SORL1: variants seen among roughly 807,000 people sequenced by gnomAD.
SORL1 encodes sortilin-related receptor.
A neutral mutation model predicts 273.7 loss-of-function variants in SORL1; 127 were observed. That is an observed-to-expected ratio of 0.46 (90% CI 0.40 to 0.54). The LOEUF (loss-of-function observed/expected upper bound fraction) is 0.54, where lower values mean the gene tolerates loss of function less well. Among genes scored for constraint, SORL1 ranks in the 20% least tolerant of loss-of-function variants. The probability of loss-of-function intolerance (pLI) is 0.00; values close to 1 mark genes in which losing one functional copy is unlikely to be tolerated. For synonymous variants in SORL1, 1,031 were observed against 1,067.4 expected (o/e 0.97, Z 0.66); for missense variants, 2,494 against 2,846.1 (o/e 0.88, Z 2.81).
intron 45 of SORL1, among the ~76,000 whole-genome samples, chr11:121,623,531 A>C (rs1349817539): frequency 6.6e-6 from 1 of 152,250 alleles, no homozygotes; most frequent in African/African-American, 2.4e-5. Flanking sequence ...TAAATAACGT[A>C]TGGGTGGTTG....
chr11:121,466,649 G>C (rs1254524486), intron 1 of SORL1, among the ~76,000 whole-genome samples: 1 of 152,172 alleles, frequency 6.6e-6, no homozygotes, highest in Non-Finnish European at 1.5e-5. Flanking sequence ...CTTCCTGTCA[G>C]CCTGCCTGCT....
chr11:121,602,160 G>A (rs780616637), intron 32 of SORL1, among the ~76,000 whole-genome samples: 3 of 152,096 alleles, frequency 2.0e-5, no homozygotes, highest in African/African-American at 2.4e-5. Context: ...TTGAATACAC[G>A]TTTATTTGTC....
At chr11:121,590,565 A>C in intron 30 of SORL1, 1 of 560,044 alleles carries the variant, frequency 1.8e-6, no homozygotes, top group Non-Finnish European at 3.2e-6. Flanking sequence ...GCATTTGAGG[A>C]GCACTCATGT....
At chr11:121,585,041 AG>A (rs762197163) in intron 26 of SORL1, among the ~76,000 whole-genome samples, 13 of 152,220 alleles carry the variant, frequency 8.5e-5, no homozygotes, top group Non-Finnish European at 1.8e-4. Context: ...TAGCATTTCT[AG>A]GCAAACTTTC....
At chr11:121,465,386 A>T (rs936359054) in intron 1 of SORL1, among the ~76,000 whole-genome samples, 3 of 152,126 alleles carry the variant, frequency 2.0e-5, no homozygotes, top group African/African-American at 7.2e-5. Context: ...CCAAATCCCC[A>T]AAGACAAGCC....
At chr11:121,599,937 C>T (rs12274541) in intron 32 of SORL1, among the ~76,000 whole-genome samples, 8,230 of 152,174 alleles carry the variant, frequency 0.054, 389 homozygotes, top group East Asian at 0.21. Context: ...CAGGCTGCTT[C>T]TGCTTTACTC....
At chr11:121,510,240 T>A (rs989579653) in intron 6 of SORL1, among the ~76,000 whole-genome samples, 2 of 152,230 alleles carry the variant, frequency 1.3e-5, no homozygotes, top group Non-Finnish European at 2.9e-5. Flanking sequence ...CCAAATTATA[T>A]GTGAAAAATT....
At chr11:121,453,360 T>C (rs1860843534) in intron 1 of SORL1, among the ~76,000 whole-genome samples, 1 of 152,194 alleles carries the variant, frequency 6.6e-6, no homozygotes, top group South Asian at 2.1e-4. Flanking sequence ...TATTAGATCA[T>C]AAGTAACGTG....
chr11:121,523,963 GCAGTT>G (rs1309922327), intron 11 of SORL1, among the ~76,000 whole-genome samples: 1 of 152,216 alleles, frequency 6.6e-6, no homozygotes, highest in Non-Finnish European at 1.5e-5. Flanking sequence ...TTGGCACCTT[GCAGTT>G]CACAGAGGCC....
Position 121,490,222 on chromosome 11 carries a change from A to G in SORL1, c.758+112A>G, listed in dbSNP as rs191963329. The G allele has an allele frequency of 5.5e-6, 4 of 732,362 alleles. No homozygotes were observed. The African/African-American group carries it at 7.0e-5, about 13-fold the overall frequency. 45.4% of individuals were successfully genotyped at this position (732,362 alleles called of 1,614,324 possible). ...CTGAAATGTCCAGCATTTATTCAGG[A>G]AATACATTTTTCCAGATCTGAGAAT... is the stretch of plus-strand genomic sequence containing the variant. On this transcript the variant is annotated intron_variant, in intron 5 of 47. Transcript: ENST00000260197.
chr11:121,462,861 A>G (rs989340876), intron 1 of SORL1, among the ~76,000 whole-genome samples: 3 of 152,206 alleles, frequency 2.0e-5, no homozygotes, highest in Non-Finnish European at 2.9e-5. Flanking sequence ...CTGGGATTGC[A>G]GATGTGAGTC....
intron 6 of SORL1, among the ~76,000 whole-genome samples, chr11:121,509,112 T>C (rs1238020813): frequency 6.6e-6 from 1 of 151,790 alleles, no homozygotes. Context: ...GTTTCATTTA[T>C]GATTTTTTTT....
At chr11:121,536,871 A>G (rs1227953479) in intron 12 of SORL1, among the ~76,000 whole-genome samples, 1 of 152,142 alleles carries the variant, frequency 6.6e-6, no homozygotes, top group South Asian at 2.1e-4. Flanking sequence ...ATGAACGGCA[A>G]TCCAGTAGAA....
At chr11:121,604,379 AC>A in intron 33 of SORL1, 55 bp downstream of exon 33, 1 of 1,595,160 alleles carries the variant, frequency 6.3e-7, no homozygotes, top group Non-Finnish European at 8.5e-7. Flanking sequence ...AGGCTCGCTT[AC>A]CCCAGGGCCC....
chr11:121,484,493 A>C (rs1038664619), intron 3 of SORL1, among the ~76,000 whole-genome samples: 3 of 152,120 alleles, frequency 2.0e-5, no homozygotes, highest in Non-Finnish European at 2.9e-5. Flanking sequence ...TGGCTGATAG[A>C]GAGTGAGGGC....
Position 121,619,769 on chromosome 11 carries a change from C to G in SORL1, c.5741C>G (p.Pro1914Arg), listed in dbSNP as rs1392717820. Residue 1914 changes from proline to arginine, a missense_variant, in exon 43 of 48, where the codon CCC becomes CGC. Physicochemically the swap from Pro to Arg is moderately radical, Grantham distance 103 (BLOSUM62 -2). Around this residue, in one of 3 missense-constraint regions of SORL1, gnomAD observed 1,609 missense variants for 1,816.4 expected, o/e 0.89. Transcript: ENST00000260197. ...GGGCTTCAGGTCCGTGTAGTGGTACCCTACCAGGGGCCATCCTCTGACTAC... is the reference window on the plus strand; with the variant it reads ...GGGCTTCAGGTCCGTGTAGTGGTACGCTACCAGGGGCCATCCTCTGACTAC... ...QYLFLVRVVV[P>R]YQGPSSDYVV... The G allele has an allele frequency of 6.2e-7, 1 of 1,613,920 alleles. No homozygotes were observed.
At chr11:121,606,733 A>T in intron 35 of SORL1, 112 bp from the exon 36 acceptor site, 1 of 720,138 alleles carries the variant, frequency 1.4e-6, no homozygotes, top group Admixed American at 2.2e-5. Flanking sequence ...TCTAGTGGAT[A>T]GTCTCAATGC....
At chr11:121,559,747 C>T in intron 21 of SORL1, 90 bp downstream of exon 21, 2 of 1,177,168 alleles carry the variant, frequency 1.7e-6, no homozygotes, top group African/African-American at 1.6e-5. Context: ...TAGGAGCTGG[C>T]AGCCTGCATC....
chr11:121,545,574 C>T (rs1456617104), intron 14 of SORL1, 145 bp downstream of exon 14: 4 of 758,964 alleles, frequency 5.3e-6, no homozygotes. Flanking sequence ...TTTTATGTGC[C>T]AGGAACTGTG....
Sources: allele counts gnomAD v4.1 joint callset (sites outside exome capture counted in the v4.1 genomes callset), GRCh38; gene constraint gnomAD v4.1.1; regional missense constraint gnomAD v4.1.1; transcripts MANE v1.5; gene names NCBI Gene and HGNC (gene_info 2026-07-23, HGNC 2026-07-21).